Variants in TOP1MT observed in about 807,000 individuals in gnomAD.
The protein encoded by TOP1MT is DNA topoisomerase I, mitochondrial.
Under a neutral mutation model 73.9 loss-of-function variants are expected in TOP1MT, and 80 were observed. The observed-to-expected ratio is 1.08, with a 90% CI of 0.90 to 1.30. The LOEUF is 1.30. Among genes scored for constraint, TOP1MT ranks in the 50% most tolerant of loss-of-function variants. The pLI is 0.00. For missense variants in TOP1MT, 815 were observed against 808.0 expected, an observed-to-expected ratio of 1.01 and a Z score of -0.10; for synonymous variants, 338 against 326.4, an observed-to-expected ratio of 1.04 and a Z score of -0.38.
intron 12 of TOP1MT, among the ~76,000 whole-genome samples, chr8:143,311,852 T>G (rs531862439): frequency 6.6e-6 from 1 of 152,058 alleles, no homozygotes; most frequent in East Asian, 1.9e-4. Context: ...TATGAATAAC[T>G]GGGCACCAGC....
intron 8 of TOP1MT, among the ~76,000 whole-genome samples, chr8:143,319,071 T>C (rs1816256512): frequency 1.3e-5 from 2 of 152,166 alleles, no homozygotes; most frequent in Admixed American, 1.3e-4. Context: ...GCAGGGGCAC[T>C]GTGGTGAGCA....
intron 12 of TOP1MT, among the ~76,000 whole-genome samples, chr8:143,310,889 G>C (rs949584071): frequency 6.6e-6 from 1 of 152,190 alleles, no homozygotes; most frequent in African/African-American, 2.4e-5. Flanking sequence ...TGAAAACAAG[G>C]AGGGAAAACA....
At chr8:143,321,734 TACGCCACACACGC>T (rs1164107197) in intron 7 of TOP1MT, among the ~76,000 whole-genome samples, 1 of 21,884 alleles carries the variant, frequency 4.6e-5, no homozygotes, top group Non-Finnish European at 8.3e-5. Flanking sequence ...CACACACAGG[TACGCCACACACGC>T]ACGCCACAAA....
In TOP1MT at chr8:143,322,412, C is replaced by T. The variant is rs202023749; in HGVS notation, c.961-1026G>A. ...ACGCCACACACATGCTCACCACACA[C>T]GCACGCCACACACATGCACACCACA... On this transcript the variant is annotated intron_variant, in intron 7 of 13. Coordinates refer to ENST00000329245, the MANE Select transcript of TOP1MT (RefSeq NM_052963.3). 2.2e-3 allele frequency among the ~76,000 whole-genome samples: 264 copies of T among 121,896 alleles called. 3 individuals carry two copies. The highest frequency in any genetic ancestry group is 6.7e-3 in the African/African-American group (190 of 28,438). 80.0% of individuals were successfully genotyped at this position (121,896 alleles called of 152,430 possible).
At chr8:143,358,862 G>C (rs1349807646), upstream of TOP1MT, among the ~76,000 whole-genome samples, 2 of 152,172 alleles carry the variant, frequency 1.3e-5, no homozygotes, top group Admixed American at 1.3e-4. Flanking sequence ...CCAAAGGATG[G>C]TGCTTATTCC....
chr8:143,350,139 G>A (rs1817296488), intron 1 of TOP1MT: 1 of 152,146 alleles, frequency 6.6e-6, no homozygotes, highest in African/African-American at 2.4e-5. Flanking sequence ...TATGTCCAAA[G>A]ATGCAAACTC....
chr8:143,310,276 C>A, intron 12 of TOP1MT, 59 bp from the exon 13 acceptor site: 1 of 1,342,276 alleles, frequency 7.5e-7, no homozygotes, highest in South Asian at 1.5e-5. Flanking sequence ...CCTGAGGAGA[C>A]CTGCACTTCT....
intron 2 of TOP1MT, among the ~76,000 whole-genome samples, chr8:143,342,745 C>CTATTATTATTATTATTATTATTATTAT (rs1248774108): frequency 8.2e-6 from 1 of 122,038 alleles, no homozygotes; most frequent in Admixed American, 9.1e-5. Context: ...GAGTCTCGCT[C>CTATTATTATTATTATTATTATTATTAT]TGTTATTATT....
At chr8:143,319,769 T>C (rs1816277701) in intron 8 of TOP1MT, among the ~76,000 whole-genome samples, 1 of 150,342 alleles carries the variant, frequency 6.7e-6, no homozygotes, top group South Asian at 2.1e-4. Flanking sequence ...TGTACTGGGG[T>C]GAAAAGTGTT....
intron 8 of TOP1MT, 95 bp downstream of exon 8, chr8:143,321,106 C>T (rs187715369): frequency 9.3e-5 from 124 of 1,339,774 alleles, no homozygotes; most frequent in African/African-American, 7.2e-4. Context: ...ACGTGGCAAA[C>T]GGGCCACAGA....
upstream of TOP1MT, among the ~76,000 whole-genome samples, chr8:143,336,322 C>G (rs1370554173): frequency 6.6e-6 from 1 of 152,016 alleles, no homozygotes; most frequent in Non-Finnish European, 1.5e-5. Context: ...GGGAGTGTGG[C>G]AGGACAAAAA....
intron 5 of TOP1MT, 22 bp downstream of exon 5, chr8:143,325,324 T>TGCTGCCCGCCC (rs773236034): frequency 6.4e-7 from 1 of 1,573,968 alleles, no homozygotes; most frequent in Non-Finnish European, 8.7e-7. Context: ...AGTGCCCGCC[T>TGCTGCCCGCCC]GCTGCCCGCC....
chr8:143,358,725 AGAGGTGAGCCTGGAC>A, upstream of TOP1MT: 11 of 152,250 alleles, frequency 7.2e-5, no homozygotes, highest in Non-Finnish European at 1.5e-4. Context: ...ACCGTTCCAC[AGAGGTGAGCCTGGAC>A]CCAGGCAGCA....
intron 12 of TOP1MT, 172 bp from the exon 13 acceptor site, chr8:143,310,389 C>T (rs1259402675): frequency 3.7e-6 from 2 of 537,272 alleles, no homozygotes; most frequent in East Asian, 6.3e-5. Context: ...GGAAGCTCAG[C>T]CCCACCCCAG....
chr8:143,321,754 CAA>C (rs1291154221), intron 7 of TOP1MT, among the ~76,000 whole-genome samples: 6 of 65,848 alleles, frequency 9.1e-5, no homozygotes, highest in Admixed American at 4.8e-4. Flanking sequence ...ACGCACGCCA[CAA>C]ACACAGGCAC....
At chr8:143,329,140 G>A (rs888441526) in intron 3 of TOP1MT, among the ~76,000 whole-genome samples, 4 of 152,098 alleles carry the variant, frequency 2.6e-5, no homozygotes, top group Admixed American at 6.5e-5. Flanking sequence ...CACTGGCACC[G>A]CCTATGGTCC....
At chr8:143,321,926 T>C (rs370120173) in intron 7 of TOP1MT, among the ~76,000 whole-genome samples, 233 of 8,060 alleles carry the variant, frequency 0.029, 1 homozygote, top group Admixed American at 0.064. Flanking sequence ...GCCACACACA[T>C]GCACGCCACA....
intron 3 of TOP1MT, 128 bp downstream of exon 3, chr8:143,329,222 G>T: frequency 9.5e-7 from 1 of 1,048,280 alleles, no homozygotes; most frequent in Non-Finnish European, 1.4e-6. Flanking sequence ...AGCCATGACG[G>T]CACCTGTGAG....
chr8:143,331,699 C>T (rs968085571), intron 1 of TOP1MT: 6 of 193,538 alleles, frequency 3.1e-5, no homozygotes, highest in Non-Finnish European at 6.3e-5. Context: ...CTAGAATCTT[C>T]GGGAACCTCT....
Sources: gnomAD v4.1 joint callset for allele counts (sites outside exome capture counted in the v4.1 genomes callset) on GRCh38, gnomAD v4.1.1 for gene constraint, MANE v1.5 for transcripts, NCBI Gene and HGNC (gene_info 2026-07-23, HGNC 2026-07-21) for gene names.